Variants in PTPRR observed in about 807,000 individuals in gnomAD.
PTPRR encodes the protein receptor-type tyrosine-protein phosphatase R.
Under a neutral mutation model 77.2 loss-of-function variants are expected in PTPRR, and 38 were observed. That is an observed-to-expected ratio of 0.49 (90% CI 0.38 to 0.65). The LOEUF (loss-of-function observed/expected upper bound fraction) is 0.65, where lower values mean the gene tolerates loss of function less well. Among genes scored for constraint, PTPRR ranks in the 30% least tolerant of loss-of-function variants. The probability of loss-of-function intolerance (pLI) is 0.00; values close to 1 mark genes in which losing one functional copy is unlikely to be tolerated. For missense variants in PTPRR, 744 were observed against 799.2 expected, an observed-to-expected ratio of 0.93 and a Z score of 0.83; for synonymous variants, 299 against 283.1, an observed-to-expected ratio of 1.06 and a Z score of -0.57.
rs370655990 is a variant in PTPRR at position 70,642,889 on chromosome 12, G to A, written c.1881-3612C>T. ...CTATTGGCTGGATGCAGTGGCTCATGCCTATAACCCCAGCACTTTGGGAGT... is the reference window on the plus strand; with the variant it reads ...CTATTGGCTGGATGCAGTGGCTCATACCTATAACCCCAGCACTTTGGGAGT... On this transcript the variant is annotated intron_variant, in intron 13 of 13. Transcript: ENST00000283228. 2.0e-4 allele frequency among the ~76,000 whole-genome samples: 30 copies of A among 152,266 alleles called. No individual in the cohort carries two copies. The East Asian group carries it at 5.8e-3, about 29-fold the overall frequency.
chr12:70,782,457 A>G, intron 2 of PTPRR, among the ~76,000 whole-genome samples: 1 of 152,190 alleles, frequency 6.6e-6, no homozygotes, highest in East Asian at 1.9e-4. Context: ...CATCAATGAT[A>G]GACTGGATTA....
Position 70,762,292 on chromosome 12 carries a change from C to T in PTPRR, c.472-666G>A, listed in dbSNP as rs1227182390. 2.0e-5 allele frequency among the ~76,000 whole-genome samples: 3 copies of T among 149,332 alleles called. No homozygotes were observed. In the South Asian group the frequency reaches 6.3e-4, roughly 31 times the overall value. ...ATAAATGTCTGATATCCTACACACA[C>T]ATACACACACACACACACACAGAGA... On this transcript the variant is annotated intron_variant, in intron 3 of 13. Coordinates refer to ENST00000283228, the MANE Select transcript of PTPRR (RefSeq NM_002849.4).
intron 2 of PTPRR, among the ~76,000 whole-genome samples, chr12:70,867,323 A>G (rs1349417076): frequency 6.6e-6 from 1 of 151,582 alleles, no homozygotes; most frequent in African/African-American, 2.4e-5. Context: ...CCTTAAGCTG[A>G]TAAGCAACTT....
chr12:70,871,082 A>G (rs1481482112), intron 2 of PTPRR, among the ~76,000 whole-genome samples: 1 of 152,174 alleles, frequency 6.6e-6, no homozygotes, highest in Non-Finnish European at 1.5e-5. Context: ...AGTAACGGAG[A>G]GGGATCTACC....
chr12:70,745,939 G>A lies in PTPRR; in HGVS notation c.886C>T (p.Pro296Ser), dbSNP rs1044190393. 3 of 1,613,954 alleles carry A rather than the reference G, an allele frequency of 1.9e-6. No homozygotes were observed. The African/African-American group carries it at 4.0e-5, about 22-fold the overall frequency. ...VHSMVQPEQA[P>S]KVLNVVVDPQ... is the part of the protein sequence containing the mutation. ...TCCACGACAACATTCAGTACCTTTG[G>A]GGCCTGCTCAGGTTGGACCATGCTG... Residue 296 changes from proline (P) to serine (S), a missense_variant, in exon 6 of 14, where the codon CCA becomes TCA. This residue lies in a region of PTPRR where 570 missense variants were observed against 573.2 expected (regional missense o/e 0.99). Coordinates refer to ENST00000283228, the MANE Select transcript of PTPRR (RefSeq NM_002849.4).
chr12:70,814,847 A>G (rs556120838), intron 2 of PTPRR, among the ~76,000 whole-genome samples: 1 of 152,346 alleles, frequency 6.6e-6, no homozygotes, highest in South Asian at 2.1e-4. Flanking sequence ...AAACATAATT[A>G]AAAATTTTAA....
intron 2 of PTPRR, among the ~76,000 whole-genome samples, chr12:70,771,779 A>T (rs1220854986): frequency 6.6e-6 from 1 of 152,192 alleles, no homozygotes; most frequent in Non-Finnish European, 1.5e-5. Flanking sequence ...ATGCTGTGTA[A>T]GTTCCATAAG....
chr12:70,715,111 G>A (rs1349425180), intron 6 of PTPRR, among the ~76,000 whole-genome samples: 2 of 151,898 alleles, frequency 1.3e-5, no homozygotes, highest in Non-Finnish European at 2.9e-5. Context: ...CCTAAGCATC[G>A]GCTGGTTTGA....
At chr12:70,807,666 T>C (rs527829821) in intron 2 of PTPRR, among the ~76,000 whole-genome samples, 89 of 152,312 alleles carry the variant, frequency 5.8e-4, no homozygotes, top group African/African-American at 2.1e-3. Context: ...TTAACACTTT[T>C]ATAATTTCTT....
At chr12:70,847,709 C>G (rs568288189) in intron 2 of PTPRR, among the ~76,000 whole-genome samples, 2 of 152,230 alleles carry the variant, frequency 1.3e-5, no homozygotes, top group East Asian at 3.9e-4. Flanking sequence ...CCTCCTACAA[C>G]CCTAATGCTT....
chr12:70,879,153 A>T (rs1893105713), intron 2 of PTPRR, among the ~76,000 whole-genome samples: 1 of 152,114 alleles, frequency 6.6e-6, no homozygotes, highest in Non-Finnish European at 1.5e-5. Context: ...CCCAATGTAA[A>T]TGACTAGTTA....
intron 6 of PTPRR, among the ~76,000 whole-genome samples, chr12:70,709,624 C>T (rs186252169): frequency 6.6e-6 from 1 of 152,226 alleles, no homozygotes; most frequent in Non-Finnish European, 1.5e-5. Flanking sequence ...GAATAAACAA[C>T]TTCAGCAAAG....
intron 9 of PTPRR, 135 bp from the exon 10 acceptor site, chr12:70,684,399 A>G: frequency 1.1e-6 from 1 of 932,932 alleles, no homozygotes; most frequent in Non-Finnish European, 1.6e-6. Context: ...TGACTCTAGT[A>G]CAACAATTTC....
intron 2 of PTPRR, among the ~76,000 whole-genome samples, chr12:70,820,902 G>T (rs1053062540): frequency 3.9e-5 from 6 of 152,140 alleles, no homozygotes; most frequent in African/African-American, 9.7e-5. Flanking sequence ...TCTCCTTGCT[G>T]GGTATAAGTC....
At chr12:70,792,180 G>T (rs1215869450) in intron 2 of PTPRR, among the ~76,000 whole-genome samples, 1 of 152,196 alleles carries the variant, frequency 6.6e-6, no homozygotes, top group African/African-American at 2.4e-5. Flanking sequence ...GTCAGAGGTT[G>T]TTAAGGGGAT....
intron 10 of PTPRR, among the ~76,000 whole-genome samples, chr12:70,681,659 A>G (rs1323369984): frequency 6.6e-6 from 1 of 152,138 alleles, no homozygotes; most frequent in African/African-American, 2.4e-5. Context: ...CAAACACTCC[A>G]GTTCAAACAT....
chr12:70,706,997 C>G (rs917494263), intron 6 of PTPRR, among the ~76,000 whole-genome samples: 1 of 151,842 alleles, frequency 6.6e-6, no homozygotes, highest in Non-Finnish European at 1.5e-5. Flanking sequence ...GCTTCACTCT[C>G]TATTTACACA....
At chr12:70,797,407 C>A (rs896557552) in intron 2 of PTPRR, among the ~76,000 whole-genome samples, 17 of 152,144 alleles carry the variant, frequency 1.1e-4, no homozygotes, top group African/African-American at 4.1e-4. Context: ...CTGGGTTACT[C>A]CTACAAGCTT....
intron 12 of PTPRR, among the ~76,000 whole-genome samples, chr12:70,658,863 C>T (rs75533923): frequency 0.013 from 1,611 of 120,970 alleles, 29 homozygotes; most frequent in African/African-American, 0.046. Flanking sequence ...ATAGGTTCAA[C>T]GTTAGGGACT....
Sources: allele counts gnomAD v4.1 joint callset (sites outside exome capture counted in the v4.1 genomes callset), GRCh38; gene constraint gnomAD v4.1.1; regional missense constraint gnomAD v4.1.1; transcripts MANE v1.5; gene names NCBI Gene and HGNC (gene_info 2026-07-23, HGNC 2026-07-21).